The following EPB41L3 variants were observed in gnomAD, a reference collection of about 807,000 sequenced individuals.
EPB41L3 encodes erythrocyte membrane protein band 4.1 like 3.
EPB41L3 carries 57 observed loss-of-function variants against 127.1 expected under a neutral mutation model. The observed-to-expected ratio is 0.45, with a 90% CI of 0.36 to 0.56. The LOEUF (loss-of-function observed/expected upper bound fraction) is 0.56, where lower values mean the gene tolerates loss of function less well. EPB41L3 is among the 20% of genes least tolerant of loss of function. EPB41L3 has a pLI of 0.00. For missense variants in EPB41L3, 1,273 were observed against 1,372.2 expected (o/e 0.93, Z 1.14); for synonymous variants, 572 against 549.5 (o/e 1.04, Z -0.57).
At chr18:5,528,087 C>A (rs2093291714) in intron 1 of EPB41L3, among the ~76,000 whole-genome samples, 1 of 152,172 alleles carries the variant, frequency 6.6e-6, no homozygotes, top group Non-Finnish European at 1.5e-5. Flanking sequence ...ATGAGAAACA[C>A]AAATCCAGAA....
intron 1 of EPB41L3, among the ~76,000 whole-genome samples, chr18:5,619,551 T>C (rs998000425): frequency 2.6e-5 from 4 of 152,184 alleles, no homozygotes; most frequent in African/African-American, 9.7e-5. Flanking sequence ...AAGCATTATA[T>C]AAGCAGGTCA....
chr18:5,630,229 C>A (rs901211205), upstream of EPB41L3: 1 of 372,264 alleles, frequency 2.7e-6, no homozygotes, highest in Non-Finnish European at 5.2e-6. Flanking sequence ...GCCAGGCAGC[C>A]CCCGGTCGGG....
chr18:5,479,331 T>C (rs765898215), intron 2 of EPB41L3, among the ~76,000 whole-genome samples: 2 of 152,238 alleles, frequency 1.3e-5, no homozygotes, highest in Non-Finnish European at 2.9e-5. Flanking sequence ...AAGGAAGACA[T>C]GCACCAGAAT....
chr18:5,627,239 G>A (rs62079268), intron 1 of EPB41L3, among the ~76,000 whole-genome samples: 25,569 of 152,114 alleles, frequency 0.17, 2,209 homozygotes, highest in Middle Eastern at 0.19. Context: ...AAATCATAAC[G>A]CTTCCTTCCT....
chr18:5,573,913 C>CTTT (rs749608391), intron 3 of EPB41L3, among the ~76,000 whole-genome samples: 2 of 141,460 alleles, frequency 1.4e-5, no homozygotes, highest in African/African-American at 2.6e-5. Context: ...ATATATATAC[C>CTTT]TTTTTTTTTT....
intron 3 of EPB41L3, among the ~76,000 whole-genome samples, chr18:5,596,679 T>C (rs2094539815): frequency 6.6e-6 from 1 of 152,216 alleles, no homozygotes; most frequent in Non-Finnish European, 1.5e-5. Context: ...CATTTTCTGT[T>C]GTTTTTCTTT....
chr18:5,441,773 A>G (rs1448874432), intron 5 of EPB41L3, among the ~76,000 whole-genome samples: 1 of 152,172 alleles, frequency 6.6e-6, no homozygotes, highest in Admixed American at 6.5e-5. Flanking sequence ...CTCGAATTCC[A>G]TTTTTAAAGA....
intron 3 of EPB41L3, among the ~76,000 whole-genome samples, chr18:5,561,062 C>T (rs1311721906): frequency 2.7e-5 from 4 of 147,284 alleles, no homozygotes; most frequent in Non-Finnish European, 6.0e-5. Context: ...ACTGCAAGCT[C>T]CGCCTCCCAG....
chr18:5,438,885 T>C (rs2080251258), intron 5 of EPB41L3, among the ~76,000 whole-genome samples: 1 of 152,212 alleles, frequency 6.6e-6, no homozygotes. Flanking sequence ...TGTCAACACA[T>C]ATCCTTGAAA....
chr18:5,410,036 C>T (rs1011252460), intron 14 of EPB41L3, among the ~76,000 whole-genome samples: 2 of 151,574 alleles, frequency 1.3e-5, no homozygotes, highest in South Asian at 2.1e-4. Flanking sequence ...TATGAGTGAC[C>T]GAGGCTACAG....
In EPB41L3 at chr18:5,485,730, C is replaced by A. The variant is rs76348112; in HGVS notation, c.183+3271G>T. Reference sequence around the variant, plus strand: ...TCTGAAAAAGATATCAAGAAGCAATCCTATTTACAATAGCTACAAAATATA... The same window carrying A: ...TCTGAAAAAGATATCAAGAAGCAATACTATTTACAATAGCTACAAAATATA... On this transcript the variant is annotated intron_variant, in intron 2 of 22. Coordinates refer to ENST00000341928, the MANE Select transcript of EPB41L3 (RefSeq NM_012307.5). Among the ~76,000 whole-genome samples, 1,308 of 152,012 alleles carry A rather than the reference C, an allele frequency of 8.6e-3. 17 individuals carry two copies. The highest frequency in any genetic ancestry group is 0.028 in the African/African-American group (1,174 of 41,500).
intron 3 of EPB41L3, among the ~76,000 whole-genome samples, chr18:5,591,908 C>T (rs1482367904): frequency 6.6e-6 from 1 of 152,046 alleles, no homozygotes; most frequent in South Asian, 2.1e-4. Flanking sequence ...GAAATAATTG[C>T]CAAGCAACTG....
intron 2 of EPB41L3, among the ~76,000 whole-genome samples, chr18:5,483,760 C>T (rs1194108625): frequency 6.6e-6 from 1 of 151,796 alleles, no homozygotes; most frequent in African/African-American, 2.4e-5. Context: ...GACAATTCAG[C>T]AAGAAGATGA....
At chr18:5,566,779 A>G (rs2094209873) in intron 3 of EPB41L3, among the ~76,000 whole-genome samples, 1 of 128,948 alleles carries the variant, frequency 7.8e-6, no homozygotes, top group Admixed American at 7.4e-5. Flanking sequence ...ATTCTATTCT[A>G]TTCTATTCTA....
Position 5,518,045 on chromosome 18 carries a change from CCCTGCTCCGTCT to C in EPB41L3, c.-12+25856_-12+25867del, listed in dbSNP as rs2092821653. On this transcript the variant is annotated intron_variant, in intron 1 of 22. Coordinates refer to ENST00000341928, the MANE Select transcript of EPB41L3 (RefSeq NM_012307.5). ...GACATAATGGGCTCCTAAGGGGTCT[CCCTGCTCCGTCT>C]CCTCTCTCCATCCCCACAAGGTCTA... Among the ~76,000 whole-genome samples, 2 of 152,152 alleles carry C rather than the reference CCCTGCTCCGTCT, an allele frequency of 1.3e-5. 1 individual carries two copies. The highest frequency in any genetic ancestry group is 4.1e-4 in the South Asian group (2 of 4,836).
intron 3 of EPB41L3, among the ~76,000 whole-genome samples, chr18:5,450,222 G>A (rs912825960): frequency 6.6e-6 from 1 of 152,088 alleles, no homozygotes; most frequent in Non-Finnish European, 1.5e-5. Flanking sequence ...GGATGTGGGG[G>A]ACAGTGAAAC....
chr18:5,564,832 G>C (rs533251679), intron 3 of EPB41L3, among the ~76,000 whole-genome samples: 5 of 152,194 alleles, frequency 3.3e-5, no homozygotes, highest in East Asian at 3.9e-4. Context: ...CTCGATGAAG[G>C]CTTGTGTATT....
At chr18:5,603,808 A>G (rs1701511716) in intron 3 of EPB41L3, among the ~76,000 whole-genome samples, 1 of 152,058 alleles carries the variant, frequency 6.6e-6, no homozygotes, top group Non-Finnish European at 1.5e-5. Context: ...GCTGCAGTGA[A>G]CTATGATCAA....
At chr18:5,404,070 A>G (rs1447965502) in intron 16 of EPB41L3, among the ~76,000 whole-genome samples, 1 of 152,174 alleles carries the variant, frequency 6.6e-6, no homozygotes, top group Non-Finnish European at 1.5e-5. Flanking sequence ...ATTGGAGTAT[A>G]AACTTGATGT....
Sources: allele counts gnomAD v4.1 joint callset (sites outside exome capture counted in the v4.1 genomes callset), GRCh38; gene constraint gnomAD v4.1.1; transcripts MANE v1.5; gene names NCBI Gene and HGNC (gene_info 2026-07-23, HGNC 2026-07-21).